Variants in NEK10 observed in about 807,000 individuals in gnomAD.
NEK10 encodes the protein NIMA related kinase 10, also known as serine/threonine-protein kinase Nek10.
NEK10 carries 122 observed loss-of-function variants against 159.8 expected under a neutral mutation model. The ratio of observed to expected loss-of-function variants is 0.76; its 90% CI spans 0.66 to 0.89. NEK10 has a LOEUF of 0.89. Ranked by LOEUF, NEK10 falls within the 40% of genes least tolerant of loss-of-function variation. The pLI is 0.00. For missense variants in NEK10, 1,342 were observed against 1,323.1 expected (o/e 1.01, Z -0.22); for synonymous variants, 466 against 457.1 (o/e 1.02, Z -0.25).
chr3:27,146,250 A>G (rs1944286789), intron 30 of NEK10, among the ~76,000 whole-genome samples: 1 of 152,180 alleles, frequency 6.6e-6, no homozygotes, highest in Admixed American at 6.6e-5. Context: ...GACACATACT[A>G]TATGTCCATT....
chr3:27,175,264 G>C (rs907280537), intron 26 of NEK10, among the ~76,000 whole-genome samples: 10 of 152,108 alleles, frequency 6.6e-5, no homozygotes, highest in African/African-American at 2.4e-4. Context: ...AGCAGACAAA[G>C]CCAGGCCATG....
At chr3:27,294,006 C>G (rs2043173842) in intron 15 of NEK10, among the ~76,000 whole-genome samples, 2 of 152,182 alleles carry the variant, frequency 1.3e-5, no homozygotes, top group Admixed American at 6.5e-5. Flanking sequence ...TATTTTGTTT[C>G]TAGCCTGCTA....
chr3:27,164,874 T>C (rs1946344012), intron 29 of NEK10, among the ~76,000 whole-genome samples: 1 of 152,240 alleles, frequency 6.6e-6, no homozygotes, highest in Admixed American at 6.5e-5. Context: ...AAGATGACTA[T>C]TCCAGATGTC....
At chr3:27,179,511 C>T (rs1332413584) in intron 26 of NEK10, among the ~76,000 whole-genome samples, 1 of 152,162 alleles carries the variant, frequency 6.6e-6, no homozygotes, top group Non-Finnish European at 1.5e-5. Context: ...TAACCTAGTA[C>T]TGTATCAGAA....
chr3:27,210,355 A>C (rs777442137), intron 23 of NEK10, among the ~76,000 whole-genome samples: 2 of 152,046 alleles, frequency 1.3e-5, no homozygotes, highest in Non-Finnish European at 1.5e-5. Context: ...ATAACTCATG[A>C]ATTCCTTAAT....
At chr3:27,280,430 C>A (rs540591027) in intron 22 of NEK10, among the ~76,000 whole-genome samples, 81 of 152,234 alleles carry the variant, frequency 5.3e-4, no homozygotes, top group Non-Finnish European at 1.0e-3. Context: ...AAATCAAGCA[C>A]CCTCTGCCAC....
intron 23 of NEK10, among the ~76,000 whole-genome samples, chr3:27,221,848 T>C (rs1952130577): frequency 6.6e-6 from 1 of 152,170 alleles, no homozygotes; most frequent in South Asian, 2.1e-4. Context: ...GTTCAGGCCC[T>C]TTTCAGGAGT....
At chr3:27,241,735 GC>G (rs1274934608) in intron 23 of NEK10, among the ~76,000 whole-genome samples, 1 of 152,138 alleles carries the variant, frequency 6.6e-6, no homozygotes. Context: ...TGCCTTCAGG[GC>G]AACCCAAACT....
At chr3:27,206,982 C>A in intron 23 of NEK10, among the ~76,000 whole-genome samples, 1 of 152,258 alleles carries the variant, frequency 6.6e-6, no homozygotes, top group Non-Finnish European at 1.5e-5. Flanking sequence ...ACTTCTGCTG[C>A]CATTTGCACT....
chr3:27,215,669 A>G (rs1468895730), intron 23 of NEK10: 2 of 612,768 alleles, frequency 3.3e-6, no homozygotes, highest in East Asian at 5.6e-5. Flanking sequence ...CCGTTCTTGC[A>G]CTACTACAAA....
intron 23 of NEK10, among the ~76,000 whole-genome samples, chr3:27,220,338 A>G (rs1951974473): frequency 6.6e-6 from 1 of 152,184 alleles, no homozygotes; most frequent in African/African-American, 2.4e-5. Context: ...GACTGCCCAC[A>G]TTCCTTGGCT....
At chr3:27,311,392 T>C in intron 8 of NEK10, 1 of 163,726 alleles carries the variant, frequency 6.1e-6, no homozygotes. Context: ...GAGAGGAACC[T>C]GCACGTTTCC....
intron 6 of NEK10, among the ~76,000 whole-genome samples, chr3:27,315,122 T>C (rs1341161019): frequency 6.6e-6 from 1 of 152,220 alleles, no homozygotes; most frequent in Non-Finnish European, 1.5e-5. Flanking sequence ...TAGACAAATA[T>C]TCTCAGGTGG....
rs576869361 is a variant in NEK10 at position 27,217,078 on chromosome 3, T to C, written c.2091-14521A>G. ...AAAAAAATTTTACTGACAGGCTTCTTAGAAAATAAGGACAATGAAAATGAT... is the reference window on the plus strand; with the variant it reads ...AAAAAAATTTTACTGACAGGCTTCTCAGAAAATAAGGACAATGAAAATGAT... On this transcript the variant is annotated intron_variant, in intron 23 of 35. Transcript: ENST00000691995. Among the ~76,000 whole-genome samples the C allele has an allele frequency of 2.0e-5, 3 of 152,332 alleles. No homozygotes were observed. The East Asian group carries it at 5.8e-4, about 29-fold the overall frequency.
chr3:27,237,069 G>A (rs942554952), intron 23 of NEK10, among the ~76,000 whole-genome samples: 8 of 152,078 alleles, frequency 5.3e-5, no homozygotes, highest in East Asian at 1.9e-4. Flanking sequence ...ATTCCTTGCC[G>A]GGAAAAGAAT....
intron 26 of NEK10, among the ~76,000 whole-genome samples, chr3:27,190,426 G>GT (rs899187386): frequency 5.1e-4 from 77 of 152,294 alleles, no homozygotes; most frequent in African/African-American, 1.8e-3. Flanking sequence ...ATAGCTAACT[G>GT]TTGAAGCTGG....
At chr3:27,258,770 T>A (rs1002915577) in intron 22 of NEK10, among the ~76,000 whole-genome samples, 3 of 152,196 alleles carry the variant, frequency 2.0e-5, no homozygotes, top group African/African-American at 7.2e-5. Flanking sequence ...TATTTCTAGT[T>A]CTAGATCCCT....
At chr3:27,160,667 A>C (rs1484555148) in intron 30 of NEK10, among the ~76,000 whole-genome samples, 1 of 152,148 alleles carries the variant, frequency 6.6e-6, no homozygotes, top group Non-Finnish European at 1.5e-5. Flanking sequence ...GCAATTTGGG[A>C]GGCCGAGGTG....
chr3:27,279,817 G>C (rs954963347), intron 22 of NEK10, among the ~76,000 whole-genome samples: 1 of 152,100 alleles, frequency 6.6e-6, no homozygotes, highest in Non-Finnish European at 1.5e-5. Context: ...ACCAACCTGT[G>C]CTGCTTCTTT....
Sources: allele counts gnomAD v4.1 joint callset (sites outside exome capture counted in the v4.1 genomes callset), GRCh38; gene constraint gnomAD v4.1.1; transcripts MANE v1.5; gene names NCBI Gene and HGNC (gene_info 2026-07-23, HGNC 2026-07-21).